PHLDB2: variants seen among roughly 807,000 people sequenced by gnomAD.
PHLDB2 encodes the protein pleckstrin homology-like domain family B member 2.
PHLDB2 carries 71 observed loss-of-function variants against 123.6 expected under a neutral mutation model. That is an observed-to-expected ratio of 0.57 (90% CI 0.47 to 0.70). The LOEUF (loss-of-function observed/expected upper bound fraction) is 0.70, where lower values mean the gene tolerates loss of function less well. PHLDB2 is among the 30% of genes least tolerant of loss of function. The pLI, the probability that PHLDB2 is intolerant of heterozygous loss-of-function variation, is 0.00. For synonymous variants in PHLDB2, 547 were observed against 541.6 expected, an observed-to-expected ratio of 1.01 and a Z score of -0.14; for missense variants, 1,446 against 1,519.5, an observed-to-expected ratio of 0.95 and a Z score of 0.80.
intron 1 of PHLDB2, among the ~76,000 whole-genome samples, chr3:111,818,364 T>G (rs2108382297): frequency 6.6e-6 from 1 of 152,266 alleles, no homozygotes; most frequent in Non-Finnish European, 1.5e-5. Flanking sequence ...GTTCACAAAA[T>G]TGGTCACATT....
chr3:111,843,114 C>T (rs1183608092), intron 1 of PHLDB2, among the ~76,000 whole-genome samples: 1 of 152,074 alleles, frequency 6.6e-6, no homozygotes, highest in Admixed American at 6.6e-5. Flanking sequence ...GGGGTATATA[C>T]GTAGGAGTGG....
chr3:111,830,585 G>A (rs1406650440), intron 1 of PHLDB2, among the ~76,000 whole-genome samples: 3 of 149,198 alleles, frequency 2.0e-5, no homozygotes, highest in Non-Finnish European at 4.4e-5. Flanking sequence ...CGAGGCGGGC[G>A]GATCACGAGG....
intron 1 of PHLDB2, among the ~76,000 whole-genome samples, chr3:111,816,585 G>C (rs926994236): frequency 5.9e-5 from 9 of 152,298 alleles, no homozygotes; most frequent in African/African-American, 2.2e-4. Context: ...CCTGATGCCT[G>C]TACTCCCCAT....
chr3:111,920,134 G>T, intron 4 of PHLDB2, 148 bp from the exon 5 acceptor site: 1 of 703,218 alleles, frequency 1.4e-6, no homozygotes. Context: ...CTTTCACATG[G>T]GCTCTCTGGA....
chr3:111,793,554 T>A (rs1281572903), intron 1 of PHLDB2, among the ~76,000 whole-genome samples: 2 of 151,636 alleles, frequency 1.3e-5, no homozygotes, highest in South Asian at 4.2e-4. Flanking sequence ...CCCTTTACAC[T>A]CTGCTCTCCT....
At chr3:111,913,175 T>C (rs1234560376) in intron 2 of PHLDB2, 144 bp from the exon 3 acceptor site, 14 of 973,052 alleles carry the variant, frequency 1.4e-5, no homozygotes, top group African/African-American at 1.6e-5. Flanking sequence ...CCGTCAAAGA[T>C]TATGAAAATC....
intron 1 of PHLDB2, among the ~76,000 whole-genome samples, chr3:111,826,270 CT>C (rs1399870188): frequency 3.9e-5 from 6 of 152,168 alleles, no homozygotes; most frequent in African/African-American, 1.2e-4. Flanking sequence ...GAGCATGCCA[CT>C]GCACTCCAGC....
intron 1 of PHLDB2, among the ~76,000 whole-genome samples, chr3:111,774,983 A>G (rs1426425408): frequency 1.3e-5 from 2 of 152,156 alleles, no homozygotes; most frequent in Non-Finnish European, 2.9e-5. Flanking sequence ...GAAACAAGGG[A>G]ACCGAATTAA....
At chr3:111,930,712 A>G (rs555853507) in intron 5 of PHLDB2, among the ~76,000 whole-genome samples, 1 of 152,290 alleles carries the variant, frequency 6.6e-6, no homozygotes, top group South Asian at 2.1e-4. Flanking sequence ...TTCTGTTAAT[A>G]ATGCCATTGC....
At chr3:111,873,249 G>T (rs1576958197) in intron 1 of PHLDB2, among the ~76,000 whole-genome samples, 1 of 152,274 alleles carries the variant, frequency 6.6e-6, no homozygotes, top group East Asian at 1.9e-4. Flanking sequence ...CAACCAATCT[G>T]CTTTGGTAAT....
rs1316390674 is a variant in PHLDB2 at position 111,911,648 on chromosome 3, A to G, written c.1336-1671A>G. The G allele has an allele frequency of 1.1e-5, 17 of 1,536,026 alleles. No individual in the cohort carries two copies. In the Admixed American group the frequency reaches 1.4e-4, roughly 12 times the overall value. ...GAGCCCAAGATGAGAGTGTGTAGCT[A>G]TGAGTGCCTGCCGTGGGAAGAGGCC... On this transcript the variant is annotated intron_variant, in intron 2 of 17. Coordinates refer to ENST00000431670, the MANE Select transcript of PHLDB2 (RefSeq NM_001134438.2).
At chr3:111,781,297 C>A (rs1306470918) in intron 1 of PHLDB2, among the ~76,000 whole-genome samples, 1 of 151,988 alleles carries the variant, frequency 6.6e-6, no homozygotes, top group Non-Finnish European at 1.5e-5. Context: ...TGCTCTGGAG[C>A]TGCTCCCAAG....
At chr3:111,856,986 G>C (rs925263496), upstream of PHLDB2, among the ~76,000 whole-genome samples, 1 of 152,118 alleles carries the variant, frequency 6.6e-6, no homozygotes, top group South Asian at 2.1e-4. Context: ...TGAGCAACAC[G>C]GTGACATTGA....
chr3:111,941,626 G>A (rs1262010248), intron 8 of PHLDB2, among the ~76,000 whole-genome samples: 1 of 152,110 alleles, frequency 6.6e-6, no homozygotes, highest in African/African-American at 2.4e-5. Flanking sequence ...GGCCAACATG[G>A]AAAAACTCTA....
intron 2 of PHLDB2, among the ~76,000 whole-genome samples, chr3:111,898,487 A>G (rs1050004671): frequency 2.0e-5 from 3 of 152,008 alleles, no homozygotes; most frequent in Admixed American, 2.0e-4. Flanking sequence ...CCAGCCAGCA[A>G]TTTTTTAAAA....
At position 111,830,333 on chromosome 3, in the gene PHLDB2, C is replaced by T. The variant is rs530025442; in HGVS notation, c.-48-15488C>T. Reference sequence around the variant, plus strand: ...GCTGGTATTTCTGCTTAGAAAGAAACGAGACTGACAAAATTAAAGCAATCT... The same window carrying T: ...GCTGGTATTTCTGCTTAGAAAGAAATGAGACTGACAAAATTAAAGCAATCT... On this transcript the variant is annotated intron_variant, in intron 1 of 17. Transcript: ENST00000393923. Among the ~76,000 whole-genome samples the T allele has an allele frequency of 6.1e-4, 93 of 152,058 alleles. 1 individual carries two copies. In the South Asian group the frequency reaches 0.017, roughly 28 times the overall value.
rs374955912 is a variant in PHLDB2 at position 111,952,671 on chromosome 3, C to T, written c.2731C>T (p.His911Tyr). 9.9e-6 allele frequency: 16 copies of T among 1,613,864 alleles called. No homozygotes were observed. Among genetic ancestry groups the T allele is most frequent in the African/African-American group, 2.7e-5 (2 of 74,916 alleles). ...GAAAACCACATCTTCCATCTCCCCACATTTCAGCAGTGCTACTATGGGGAG... is the reference window on the plus strand; with the variant it reads ...GAAAACCACATCTTCCATCTCCCCATATTTCAGCAGTGCTACTATGGGGAG... The part of the protein sequence containing the change: ...RKKTTSSISP[H>Y]FSSATMGRSI... Residue 911 changes from histidine to tyrosine, a missense_variant, in exon 11 of 18, where the codon CAT (histidine) becomes TAT (tyrosine). His to Tyr is a moderately conservative substitution (Grantham distance 83). Around this residue, in one of 3 missense-constraint regions of PHLDB2, gnomAD observed 594 missense variants for 646.0 expected, o/e 0.92. Transcript: ENST00000431670.
intron 2 of PHLDB2, among the ~76,000 whole-genome samples, chr3:111,900,547 A>G (rs2067136964): frequency 6.6e-6 from 1 of 152,212 alleles, no homozygotes; most frequent in Non-Finnish European, 1.5e-5. Context: ...TACAACATTT[A>G]TTAATTAAGT....
At chr3:111,905,848 T>C (rs1434546628) in intron 2 of PHLDB2, among the ~76,000 whole-genome samples, 1 of 152,234 alleles carries the variant, frequency 6.6e-6, no homozygotes, top group Non-Finnish European at 1.5e-5. Context: ...AATCTTTTTT[T>C]TTCCTTTACG....
Sources: gnomAD v4.1 joint callset for allele counts (sites outside exome capture counted in the v4.1 genomes callset) on GRCh38, gnomAD v4.1.1 for gene constraint, gnomAD v4.1.1 regional missense constraint, MANE v1.5 for transcripts, NCBI Gene and HGNC (gene_info 2026-07-23, HGNC 2026-07-21) for gene names.